SYNM: variants seen among roughly 807,000 people sequenced by gnomAD.
SYNM encodes the protein synemin, also known as desmuslin.
SYNM carries 95 observed loss-of-function variants against 104.0 expected under a neutral mutation model. The observed-to-expected ratio is 0.91, with a 90% CI of 0.77 to 1.08. The LOEUF is 1.08. Among genes scored for constraint, SYNM ranks in the 50% least tolerant of loss-of-function variants. The pLI is 0.00. For synonymous variants in SYNM, 918 were observed against 869.0 expected (o/e 1.06, Z -0.99); for missense variants, 2,150 against 2,052.2 (o/e 1.05, Z -0.92).
downstream of SYNM, chr15:99,140,373 T>C (rs2068085654): frequency 6.6e-6 from 1 of 152,014 alleles, no homozygotes; most frequent in African/African-American, 2.4e-5. Flanking sequence ...GGAAAATATA[T>C]ATATATATAT....
downstream of SYNM, chr15:99,137,886 C>G: frequency 6.7e-7 from 1 of 1,484,130 alleles, no homozygotes; most frequent in South Asian, 1.3e-5. Context: ...ATGTTGGGGC[C>G]AACAGTTGGC....
chr15:99,130,130 G>A lies in SYNM; in HGVS notation c.1770G>A (p.Glu590=), dbSNP rs369389205. 1 of 1,613,802 alleles carries A rather than the reference G, an allele frequency of 6.2e-7. No homozygotes were observed. Among genetic ancestry groups the A allele is most frequent in the African/African-American group, 1.3e-5 (1 of 74,894 alleles). ...SLEVSQDRRA[E]VSPKGLQTPV... ...AAGTATCCCAGGACAGAAGAGCAGAGGTGTCCCCGAAAGGTTTGCAGACGC... is the reference window on the plus strand; with the variant it reads ...AAGTATCCCAGGACAGAAGAGCAGAAGTGTCCCCGAAAGGTTTGCAGACGC... The change falls in exon 4 of 4, where the codon GAG becomes GAA. Residue 590 remains glutamate (E), a synonymous_variant. Coordinates refer to ENST00000336292, the MANE Select transcript of SYNM (RefSeq NM_145728.3).
intron 2 of SYNM, among the ~76,000 whole-genome samples, chr15:99,117,052 A>G (rs553971658): frequency 6.9e-6 from 1 of 144,284 alleles, no homozygotes; most frequent in South Asian, 2.4e-4. Context: ...AGAGGACAGC[A>G]CGAAGCCATT....
chr15:99,110,080 G>A (rs2067287756), intron 1 of SYNM, among the ~76,000 whole-genome samples: 1 of 152,182 alleles, frequency 6.6e-6, no homozygotes, highest in Admixed American at 6.5e-5. Flanking sequence ...GGTCTCAGAG[G>A]GGCCCCTGCG....
intron 2 of SYNM, among the ~76,000 whole-genome samples, chr15:99,117,772 T>A (rs1390393499): frequency 6.6e-6 from 1 of 151,756 alleles, no homozygotes. Context: ...GGGGCCTGCC[T>A]TTTTGGTAGG....
In SYNM at chr15:99,134,841, T is replaced by C. The variant is rs996948984; in HGVS notation, c.*1783T>C. 1.3e-5 allele frequency: 2 copies of C among 152,274 alleles called. No homozygotes were observed. Among genetic ancestry groups the C allele is most frequent in the African/African-American group, 4.8e-5 (2 of 41,466 alleles). 9.4% of individuals were successfully genotyped at this position (152,274 alleles called of 1,614,324 possible). ...TTGGAATAGCAAGTTTAAACCTTTG[T>C]TGTCCATCTGCCAAATGAACTAGTG... On this transcript the variant is annotated 3_prime_UTR_variant, in exon 4 of 4. Coordinates refer to ENST00000336292, the MANE Select transcript of SYNM (RefSeq NM_145728.3).
chr15:99,120,234 G>C (rs1237713253), intron 2 of SYNM, among the ~76,000 whole-genome samples: 1 of 152,216 alleles, frequency 6.6e-6, no homozygotes, highest in African/African-American at 2.4e-5. Context: ...GGGATGCTGG[G>C]CAGATGATGG....
At position 99,129,511 on chromosome 15, in the gene SYNM, C is replaced by T. The variant is rs1555485399; in HGVS notation, c.1151C>T (p.Ser384Phe). ...LYSNLSGHRG[S>F]QTGTSIGGDA... ...TCTAACCTGTCAGGGCACCGTGGAT[C>T]TCAGACGGGCACATCTATTGGAGGT... is the stretch of plus-strand genomic sequence containing the variant. The change falls in exon 4 of 4, where the codon TCT (serine) becomes TTT (phenylalanine). Residue 384 changes from serine (S) to phenylalanine (F), a missense_variant. Physicochemically the swap from Ser to Phe is radical, Grantham distance 155. Transcript: ENST00000336292. The T allele has an allele frequency of 5.6e-6, 9 of 1,613,886 alleles. No homozygotes were observed. The highest frequency in any genetic ancestry group is 2.7e-5 in the African/African-American group (2 of 74,906).
At chr15:99,139,910 C>G, downstream of SYNM, 1 of 420,788 alleles carries the variant, frequency 2.4e-6, no homozygotes. Flanking sequence ...CTTGATTTCT[C>G]CCTTCTGCTT....
intron 2 of SYNM, among the ~76,000 whole-genome samples, chr15:99,114,859 C>G (rs1022166536): frequency 8.5e-5 from 13 of 152,126 alleles, no homozygotes; most frequent in African/African-American, 1.9e-4. Flanking sequence ...CTCAGGGCAG[C>G]TATGAAGGAG....
chr15:99,122,600 C>T (rs2067411320), intron 2 of SYNM, among the ~76,000 whole-genome samples: 1 of 152,174 alleles, frequency 6.6e-6, no homozygotes, highest in African/African-American at 2.4e-5. Context: ...CTTTGGGAGG[C>T]TGAGGCAGGT....
In SYNM at chr15:99,105,941, C is replaced by G. The variant is rs767930656; in HGVS notation, c.742C>G (p.Arg248Gly). The change falls in exon 1 of 4, where the codon CGC becomes GGC. Residue 248 changes from arginine to glycine, a missense_variant. Coordinates refer to ENST00000336292, the MANE Select transcript of SYNM (RefSeq NM_145728.3). ...CGAGGCGCTCGGGTTGGAGCAGCTG[C>G]GCGCGCGGCTGGAGGACGCGCTGCT... ...RREALGLEQL[R>G]ARLEDALLRM... is the part of the protein sequence containing the mutation. The G allele has an allele frequency of 1.3e-6, 2 of 1,523,750 alleles. No individual in the cohort carries two copies. Among genetic ancestry groups the G allele is most frequent in the Non-Finnish European group, 1.8e-6 (2 of 1,141,326 alleles). 94.4% of individuals were successfully genotyped at this position (1,523,750 alleles called of 1,614,324 possible).
At chr15:99,128,433 T>C (rs1164677792) in intron 3 of SYNM, among the ~76,000 whole-genome samples, 1 of 152,262 alleles carries the variant, frequency 6.6e-6, no homozygotes, top group Non-Finnish European at 1.5e-5. Context: ...TCAGTTGACC[T>C]GAAAAGAGGA....
chr15:99,128,660 T>C (rs2151808696), intron 3 of SYNM, among the ~76,000 whole-genome samples: 1 of 152,362 alleles, frequency 6.6e-6, no homozygotes, highest in East Asian at 1.9e-4. Flanking sequence ...TTTCCCCTGC[T>C]GGGGTGTGGA....
At position 99,105,490 on chromosome 15, in the gene SYNM, C is replaced by T. The variant is rs1555482437; in HGVS notation, c.291C>T (p.Arg97=). ...ALRRELRELQ[R]LDAEERAARG... The stretch of plus-strand genomic sequence containing the variant: ...GGCGCGAGCTGCGGGAGCTGCAGCG[C>T]CTGGATGCGGAGGAGCGCGCCGCCC... The change falls in exon 1 of 4, where the codon CGC becomes CGT. Residue 97 remains arginine, a synonymous_variant. Coordinates refer to ENST00000336292, the MANE Select transcript of SYNM (RefSeq NM_145728.3). 7.5e-7 allele frequency: 1 copy of T among 1,341,750 alleles called. No homozygotes were observed. The highest frequency in any genetic ancestry group is 1.9e-5 in the South Asian group (1 of 52,928). The allele number at this position is 1,341,750 out of a possible 1,614,324, so 83.1% of individuals were successfully genotyped here.
chr15:99,125,872 C>CG (rs1461102973), intron 2 of SYNM, among the ~76,000 whole-genome samples: 3 of 152,212 alleles, frequency 2.0e-5, no homozygotes, highest in Non-Finnish European at 4.4e-5. Context: ...ACAGGCATCC[C>CG]GGTGCTAAGC....
chr15:99,123,422 C>A lies in SYNM; in HGVS notation c.936-3300C>A, dbSNP rs559563778. On this transcript the variant is annotated intron_variant, in intron 2 of 3. Coordinates refer to ENST00000336292, the MANE Select transcript of SYNM (RefSeq NM_145728.3). ...GCACTGCCACGTTACCTCCTGTTATCCTTCCTGTGAAGCCGGTGGTCTCAC... is the reference window on the plus strand; with the variant it reads ...GCACTGCCACGTTACCTCCTGTTATACTTCCTGTGAAGCCGGTGGTCTCAC... Among the ~76,000 whole-genome samples the A allele has an allele frequency of 5.2e-4, 79 of 151,902 alleles. 1 individual carries two copies. The highest frequency in any genetic ancestry group is 2.0e-4 in the Admixed American group (3 of 15,262).
the SYNM span, among the ~76,000 whole-genome samples, chr15:99,141,723 C>T: frequency 6.6e-6 from 1 of 152,138 alleles, no homozygotes; most frequent in African/African-American, 2.4e-5. Flanking sequence ...ATGCCTTTGT[C>T]TTTATAAGCT....
At chr15:99,121,481 G>A (rs1168303642) in intron 2 of SYNM, among the ~76,000 whole-genome samples, 3 of 152,164 alleles carry the variant, frequency 2.0e-5, no homozygotes, top group African/African-American at 7.2e-5. Flanking sequence ...TGAGAGACAC[G>A]TGCCGCTGTC....
Sources: allele counts gnomAD v4.1 joint callset (sites outside exome capture counted in the v4.1 genomes callset), GRCh38; gene constraint gnomAD v4.1.1; transcripts MANE v1.5; gene names NCBI Gene and HGNC (gene_info 2026-07-23, HGNC 2026-07-21).